USP24: variants seen among roughly 807,000 people sequenced by gnomAD.
USP24 encodes ubiquitin carboxyl-terminal hydrolase 24.
Under a neutral mutation model 361.6 loss-of-function variants are expected in USP24, and 97 were observed. The observed-to-expected ratio is 0.27, with a 90% CI of 0.23 to 0.32. The LOEUF is 0.32. Ranked by LOEUF, USP24 falls within the 10% of genes least tolerant of loss-of-function variation. USP24 has a pLI of 1.00. For missense variants in USP24, 2,353 were observed against 3,165.6 expected, an observed-to-expected ratio of 0.74 and a Z score of 6.16; for synonymous variants, 1,098 against 1,124.6, an observed-to-expected ratio of 0.98 and a Z score of 0.47.
In USP24 at chr1:55,141,665, T is replaced by C. The variant is rs1418056888; in HGVS notation, c.2701A>G (p.Thr901Ala). 6.2e-7 allele frequency: 1 copy of C among 1,612,328 alleles called. No homozygotes were observed. The highest frequency in any genetic ancestry group is 8.5e-7 in the Non-Finnish European group (1 of 1,179,236). The stretch of plus-strand genomic sequence containing the variant: ...GCTACAGTTGGCATGGCAGTTGCTG[T>C]AAGCATTTTTGTTGCTCTGGTCACA... ...HAVTRATKML[T>A]ATAMPTVATS... Residue 901 changes from threonine (T) to alanine (A), a missense_variant, in exon 24 of 68, where the codon ACA (threonine) becomes GCA (alanine). Physicochemically the swap from Thr to Ala is moderately conservative, Grantham distance 58. This residue lies in a region of USP24 where 949 missense variants were observed against 1,280.5 expected (regional missense o/e 0.74). Transcript: ENST00000294383.
Position 55,177,995 on chromosome 1 carries a change from CA to C in USP24, c.461del (p.Leu154ArgfsTer7), listed in dbSNP as rs1290193832. On this transcript the variant is annotated frameshift_variant, in exon 2 of 68. Transcript: ENST00000294383. LOFTEE classifies it high-confidence loss of function. Reference protein sequence around the residue: ...YKREESLGKCLLASTYLARLG... With the variant: ...YKREESLGKCXLASTYLARLG... ...GTCTTGCTAGGTAGGTAGATGCCAA[CA>C]GGCATTTGCCTAGTGATTCTTCTCG... 6.4e-7 allele frequency: 1 copy of C among 1,551,496 alleles called. No homozygotes were observed. The highest frequency in any genetic ancestry group is 1.4e-5 in the African/African-American group (1 of 73,042).
At chr1:55,117,920 G>A (rs1032320559) in intron 38 of USP24, among the ~76,000 whole-genome samples, 24 of 151,956 alleles carry the variant, frequency 1.6e-4, no homozygotes, top group Non-Finnish European at 2.5e-4. Flanking sequence ...AAATACTTAG[G>A]AACCAACTTA....
At chr1:55,074,978 T>C (rs1193312362) in intron 63 of USP24, among the ~76,000 whole-genome samples, 1 of 152,192 alleles carries the variant, frequency 6.6e-6, no homozygotes, top group East Asian at 1.9e-4. Flanking sequence ...AAAGCCAATT[T>C]AGCCTTCTGA....
At chr1:55,120,393 G>A (rs1033797521) in intron 38 of USP24, among the ~76,000 whole-genome samples, 1 of 152,098 alleles carries the variant, frequency 6.6e-6, no homozygotes, top group African/African-American at 2.4e-5. Flanking sequence ...GGTGAAGTGA[G>A]AACTGAGGAC....
chr1:55,166,900 T>G (rs1374074704), intron 5 of USP24, among the ~76,000 whole-genome samples: 2 of 152,282 alleles, frequency 1.3e-5, no homozygotes, highest in Admixed American at 1.3e-4. Context: ...CTGAGTTAAA[T>G]TCTCCAAAAA....
chr1:55,090,129 A>G (rs1014835659), intron 54 of USP24, among the ~76,000 whole-genome samples: 2 of 152,198 alleles, frequency 1.3e-5, no homozygotes, highest in Non-Finnish European at 2.9e-5. Context: ...AATAGCTTAC[A>G]TTGACATTTT....
intron 20 of USP24, 139 bp downstream of exon 20, chr1:55,145,859 C>CTT: frequency 1.6e-6 from 1 of 615,516 alleles, no homozygotes; most frequent in Non-Finnish European, 2.8e-6. Context: ...CTAAATATGT[C>CTT]TTTAGATGCA....
chr1:55,129,332 C>T, intron 32 of USP24, 145 bp downstream of exon 32: 1 of 562,096 alleles, frequency 1.8e-6, no homozygotes, highest in Non-Finnish European at 3.0e-6. Context: ...TTTTAAAGGA[C>T]TGAAACATCA....
At chr1:55,171,045 A>G (rs926250223) in intron 5 of USP24, among the ~76,000 whole-genome samples, 5 of 152,186 alleles carry the variant, frequency 3.3e-5, no homozygotes, top group Admixed American at 2.6e-4. Context: ...TGTTTTAACT[A>G]AAGGACTGTT....
At chr1:55,196,773 A>G (rs952521169) in intron 1 of USP24, among the ~76,000 whole-genome samples, 7 of 152,178 alleles carry the variant, frequency 4.6e-5, no homozygotes, top group Non-Finnish European at 1.0e-4. Context: ...CTTTGTTCCT[A>G]TTCTGACAAA....
chr1:55,132,444 A>G (rs1165007820), intron 31 of USP24, 101 bp downstream of exon 31: 9 of 1,377,256 alleles, frequency 6.5e-6, no homozygotes, highest in East Asian at 4.7e-5. Flanking sequence ...CAATCATCAC[A>G]TAACAGAAAC....
Position 55,079,774 on chromosome 1 carries a change from TCACAGAGTACTCACACACTGAGTACTCA to T in USP24, c.7079-143_7079-116del, listed in dbSNP as rs1485916589. 3.0e-5 allele frequency: 41 copies of T among 1,356,306 alleles called. No individual in the cohort carries two copies. The African/African-American group carries it at 4.4e-4, about 15-fold the overall frequency. 84.0% of individuals were successfully genotyped at this position (1,356,306 alleles called of 1,614,324 possible). On this transcript the variant is annotated intron_variant, in intron 59 of 67. Transcript: ENST00000294383. ...AGACTCGCACACACACTGAGTACTC[TCACAGAGTACTCACACACTGAGTACTCA>T]CACACTGAGTACTCGCAGAGTACTT... is the stretch of plus-strand genomic sequence containing the variant.
At position 55,085,954 on chromosome 1, in the gene USP24, A is replaced by G. The variant is rs918540824; in HGVS notation, c.6753T>C (p.Phe2251=). The G allele has an allele frequency of 1.9e-6, 3 of 1,613,944 alleles. No homozygotes were observed. The highest frequency in any genetic ancestry group is 2.5e-6 in the Non-Finnish European group (3 of 1,179,826). The change falls in exon 56 of 68, where the codon TTT becomes TTC. Residue 2251 remains phenylalanine (F), a synonymous_variant. Coordinates refer to ENST00000294383, the MANE Select transcript of USP24 (RefSeq NM_015306.3). ...AAATGAGACCGACCTTATCCTGATAAAACAAGGCACTGTCTAGGGTTTTCT... is the reference window on the plus strand; with the variant it reads ...AAATGAGACCGACCTTATCCTGATAGAACAAGGCACTGTCTAGGGTTTTCT... ...ILEKTLDSAL[F]YQDKLKSLHQ...
chr1:55,100,383 C>A (rs1281482824), intron 44 of USP24, among the ~76,000 whole-genome samples: 1 of 151,948 alleles, frequency 6.6e-6, no homozygotes, highest in Non-Finnish European at 1.5e-5. Context: ...GTAATCCCAG[C>A]CACTTGGGAG....
chr1:55,118,417 G>A lies in USP24; in HGVS notation c.4508+2179C>T, dbSNP rs891830812. 7.2e-5 allele frequency among the ~76,000 whole-genome samples: 11 copies of A among 152,280 alleles called. No homozygotes were observed. The South Asian group carries it at 8.3e-4, about 11-fold the overall frequency. ...GGATATTCACATGGAGAAAAACGAA[G>A]TCAGACCCTTACCTTACACCATAAT... On this transcript the variant is annotated intron_variant, in intron 38 of 67. Transcript: ENST00000294383.
chr1:55,073,584 C>T (rs1172592472), intron 64 of USP24, among the ~76,000 whole-genome samples: 1 of 152,158 alleles, frequency 6.6e-6, no homozygotes, highest in Admixed American at 6.5e-5. Context: ...TGATTCCTGC[C>T]TTTCTGACAT....
intron 38 of USP24, among the ~76,000 whole-genome samples, chr1:55,119,279 C>A (rs568712161): frequency 5.9e-5 from 9 of 152,060 alleles, no homozygotes; most frequent in South Asian, 2.1e-4. Context: ...CATGAATAAA[C>A]CTTAAGGACA....
intron 56 of USP24, 100 bp from the exon 57 acceptor site, chr1:55,083,988 A>C (rs1351495183): frequency 2.2e-6 from 2 of 926,376 alleles, no homozygotes; most frequent in Non-Finnish European, 3.3e-6. Context: ...AACAAAAGGA[A>C]AGTCTGATAC....
At chr1:55,142,679 T>C (rs1053112107) in intron 23 of USP24, 63 bp downstream of exon 23, 2 of 1,133,864 alleles carry the variant, frequency 1.8e-6, no homozygotes, top group African/African-American at 1.6e-5. Flanking sequence ...TCTAAAAATA[T>C]AAAATTATGA....
Sources: gnomAD v4.1 joint callset for allele counts (sites outside exome capture counted in the v4.1 genomes callset) on GRCh38, gnomAD v4.1.1 for gene constraint, gnomAD v4.1.1 regional missense constraint, MANE v1.5 for transcripts, NCBI Gene and HGNC (gene_info 2026-07-23, HGNC 2026-07-21) for gene names.